Variants in PPP2R2B observed in about 807,000 individuals in gnomAD.
PPP2R2B encodes protein phosphatase 2 regulatory subunit Bbeta.
A neutral mutation model predicts 46.0 loss-of-function variants in PPP2R2B; 5 were observed. That is an observed-to-expected ratio of 0.11 (90% confidence interval 0.06 to 0.23). PPP2R2B has a LOEUF of 0.23. PPP2R2B is among the 10% of genes least tolerant of loss of function. The pLI is 1.00. For synonymous variants in PPP2R2B, 215 were observed against 206.7 expected, an observed-to-expected ratio of 1.04 and a Z score of -0.34; for missense variants, 367 against 575.0, an observed-to-expected ratio of 0.64 and a Z score of 3.70.
At chr5:146,867,983 C>T (rs1467423476) in intron 2 of PPP2R2B, among the ~76,000 whole-genome samples, 2 of 152,184 alleles carry the variant, frequency 1.3e-5, no homozygotes, top group African/African-American at 4.8e-5. Context: ...TATAAAATAA[C>T]AGGAGAGAAA....
At chr5:147,070,731 C>G (rs1757563885) in intron 2 of PPP2R2B, among the ~76,000 whole-genome samples, 3 of 152,148 alleles carry the variant, frequency 2.0e-5, no homozygotes, top group African/African-American at 4.8e-5. Flanking sequence ...GTAGCTGATA[C>G]TATTGTCGGA....
intron 1 of PPP2R2B, among the ~76,000 whole-genome samples, chr5:147,019,860 G>C (rs191118532): frequency 1.3e-5 from 2 of 152,270 alleles, no homozygotes; most frequent in East Asian, 3.9e-4. Flanking sequence ...TGATTCTTCT[G>C]TATGAGAGCT....
At chr5:147,063,337 C>T (rs1255205925) in intron 2 of PPP2R2B, among the ~76,000 whole-genome samples, 1 of 152,044 alleles carries the variant, frequency 6.6e-6, no homozygotes, top group East Asian at 1.9e-4. Context: ...TTTACTAAAA[C>T]AGCTAAAATT....
At chr5:146,637,178 A>C (rs1774880667) in intron 7 of PPP2R2B, among the ~76,000 whole-genome samples, 1 of 152,220 alleles carries the variant, frequency 6.6e-6, no homozygotes, top group Non-Finnish European at 1.5e-5. Context: ...TGTACCCCTC[A>C]GAGTTCTTTA....
At chr5:146,711,050 T>C (rs775682680) in intron 2 of PPP2R2B, among the ~76,000 whole-genome samples, 3 of 152,210 alleles carry the variant, frequency 2.0e-5, no homozygotes, top group African/African-American at 7.2e-5. Context: ...TGCAGCCTCA[T>C]TGCTCCCCAT....
At chr5:147,080,653 A>T (rs570628421) in intron 2 of PPP2R2B, among the ~76,000 whole-genome samples, 95 of 152,326 alleles carry the variant, frequency 6.2e-4, no homozygotes, top group African/African-American at 1.9e-3. Flanking sequence ...ATATGACTAG[A>T]CTTGACTTCT....
intron 1 of PPP2R2B, among the ~76,000 whole-genome samples, chr5:146,909,335 G>A (rs187470950): frequency 2.0e-5 from 3 of 152,220 alleles, no homozygotes; most frequent in Admixed American, 1.3e-4. Flanking sequence ...GGATATTCTT[G>A]GATTTTTATT....
intron 2 of PPP2R2B, among the ~76,000 whole-genome samples, chr5:146,848,279 G>C (rs1024647615): frequency 6.6e-6 from 1 of 152,090 alleles, no homozygotes; most frequent in Admixed American, 6.5e-5. Context: ...AGTGTGGTAC[G>C]TTTTTATAAG....
intron 1 of PPP2R2B, among the ~76,000 whole-genome samples, chr5:146,994,145 C>T (rs1753823610): frequency 6.6e-6 from 1 of 152,126 alleles, no homozygotes. Flanking sequence ...GGGCAATGGT[C>T]CATTTCAACA....
At chr5:146,625,320 G>A (rs1451454314) in intron 7 of PPP2R2B, among the ~76,000 whole-genome samples, 4 of 152,156 alleles carry the variant, frequency 2.6e-5, no homozygotes, top group African/African-American at 9.7e-5. Flanking sequence ...ATTATACTGT[G>A]TGTGTGTGTA....
chr5:146,751,094 C>T (rs1419168015), intron 2 of PPP2R2B: 1 of 152,180 alleles, frequency 6.6e-6, no homozygotes, highest in Non-Finnish European at 1.5e-5. Context: ...ACATTTGGAA[C>T]CAAGCTGTAA....
intron 5 of PPP2R2B, among the ~76,000 whole-genome samples, chr5:146,672,985 A>G (rs1202925969): frequency 6.6e-6 from 1 of 152,202 alleles, no homozygotes; most frequent in African/African-American, 2.4e-5. Flanking sequence ...CAGGGAAGCT[A>G]AGTTTACAGA....
At position 147,025,463 on chromosome 5, in the gene PPP2R2B, TA is replaced by T. The variant is rs920542874; in HGVS notation, c.79+30201del. Among the ~76,000 whole-genome samples, 674 of 144,796 alleles carry T rather than the reference TA, an allele frequency of 4.7e-3. 6 individuals are homozygous for T. Among genetic ancestry groups the T allele is most frequent in the African/African-American group, 0.016 (627 of 39,638 alleles). 95.0% of individuals were successfully genotyped at this position (144,796 alleles called of 152,430 possible). A position where few individuals can be genotyped will look rare whatever the true frequency, so the allele number is the denominator to read the frequency against. On this transcript the variant is annotated intron_variant, in intron 1 of 8. Transcript: ENST00000336640. ...TAAAGTCACGCGAAGACATTACAAATAAAAAAAAAACCCCGAAATAGGAGAA... is the reference window on the plus strand; with the variant it reads ...TAAAGTCACGCGAAGACATTACAAATAAAAAAAAACCCCGAAATAGGAGAA...
intron 6 of PPP2R2B, among the ~76,000 whole-genome samples, chr5:146,643,153 A>G (rs1020285703): frequency 1.3e-5 from 2 of 152,170 alleles, no homozygotes; most frequent in African/African-American, 4.8e-5. Context: ...AGTCTGACCA[A>G]GACCACGTAA....
chr5:146,742,175 A>T (rs749886924), intron 2 of PPP2R2B, among the ~76,000 whole-genome samples: 99 of 152,200 alleles, frequency 6.5e-4, no homozygotes, highest in Non-Finnish European at 1.1e-3. Flanking sequence ...TTGCTGTGAT[A>T]CTGCAGGAAA....
chr5:146,977,097 C>G (rs191655569), intron 1 of PPP2R2B, among the ~76,000 whole-genome samples: 2 of 152,070 alleles, frequency 1.3e-5, no homozygotes, highest in African/African-American at 4.8e-5. Flanking sequence ...TTCTTTCATA[C>G]CCGATGTCTA....
At chr5:146,636,815 A>C (rs533161802) in intron 7 of PPP2R2B, among the ~76,000 whole-genome samples, 1 of 152,184 alleles carries the variant, frequency 6.6e-6, no homozygotes, top group South Asian at 2.1e-4. Flanking sequence ...CTTTCCCCCA[A>C]GCCTGACACT....
intron 2 of PPP2R2B, among the ~76,000 whole-genome samples, chr5:147,072,229 A>G (rs1757622843): frequency 1.3e-5 from 2 of 152,218 alleles, no homozygotes; most frequent in Admixed American, 1.3e-4. Context: ...GGATTATAAG[A>G]CTGATTCTAG....
intron 2 of PPP2R2B, among the ~76,000 whole-genome samples, chr5:146,777,436 A>T (rs553297278): frequency 6.6e-6 from 1 of 152,256 alleles, no homozygotes; most frequent in African/African-American, 2.4e-5. Context: ...TAGAGATAGA[A>T]TATATAGTAG....
Sources: allele counts gnomAD v4.1 joint callset (sites outside exome capture counted in the v4.1 genomes callset), GRCh38; gene constraint gnomAD v4.1.1; transcripts MANE v1.5; gene names NCBI Gene and HGNC (gene_info 2026-07-23, HGNC 2026-07-21).